The following PCDHA1 variants were observed in gnomAD, a reference collection of about 807,000 sequenced individuals.
PCDHA1 encodes the protein protocadherin alpha-1.
Under a neutral mutation model 61.3 loss-of-function variants are expected in PCDHA1, and 42 were observed. That is an observed-to-expected ratio of 0.69 (90% CI 0.54 to 0.89). The LOEUF (loss-of-function observed/expected upper bound fraction) is 0.89, where lower values mean the gene tolerates loss of function less well. Ranked by LOEUF, PCDHA1 falls within the 40% of genes least tolerant of loss-of-function variation. The pLI is 0.00. For missense variants in PCDHA1, 1,256 were observed against 1,235.3 expected (o/e 1.02, Z -0.25); for synonymous variants, 610 against 553.8 (o/e 1.10, Z -1.43).
intron 1 of PCDHA1, among the ~76,000 whole-genome samples, chr5:140,907,969 A>C (rs1355560411): frequency 1.3e-5 from 2 of 152,204 alleles, no homozygotes; most frequent in African/African-American, 4.8e-5. Flanking sequence ...CCAATTTTCC[A>C]ATCATGCTTC....
intron 3 of PCDHA1, among the ~76,000 whole-genome samples, chr5:141,006,584 GA>G (rs1353712503): frequency 6.6e-6 from 1 of 152,126 alleles, no homozygotes; most frequent in Non-Finnish European, 1.5e-5. Context: ...GAGGGTTGGA[GA>G]GAAGCAAAAG....
At chr5:140,854,340 A>G in intron 1 of PCDHA1, 1 of 189,954 alleles carries the variant, frequency 5.3e-6, no homozygotes, top group Non-Finnish European at 9.6e-6. Context: ...TTTACGCTCC[A>G]GATAGCTAAA....
At chr5:140,893,888 G>A (rs1182777052) in intron 1 of PCDHA1, among the ~76,000 whole-genome samples, 1 of 152,128 alleles carries the variant, frequency 6.6e-6, no homozygotes, top group Non-Finnish European at 1.5e-5. Context: ...TGGCCAGAAA[G>A]TTACTTTACC....
rs2150126573 is a variant in PCDHA1 at position 140,823,520 on chromosome 5, G to A, written c.2394+34836G>A. 10 of 1,613,572 alleles carry A rather than the reference G, an allele frequency of 6.2e-6. No homozygotes were observed. The East Asian group carries it at 2.2e-4, about 36-fold the overall frequency. On this transcript the variant is annotated intron_variant, in intron 1 of 3. Coordinates refer to ENST00000504120, the MANE Select transcript of PCDHA1 (RefSeq NM_018900.4). Reference sequence around the variant, plus strand: ...GGCGCAGTGAGCGAGCTGGTGCCGAGGTCAGTGGGTGCGGGCCACGTGGTG... The same window carrying A: ...GGCGCAGTGAGCGAGCTGGTGCCGAAGTCAGTGGGTGCGGGCCACGTGGTG...
intron 1 of PCDHA1, chr5:140,836,474 C>T (rs1774508920): frequency 6.2e-7 from 1 of 1,613,830 alleles, no homozygotes; most frequent in Admixed American, 1.7e-5. Flanking sequence ...TGGATGTCAA[C>T]GTGTACCTGA....
At chr5:140,816,507 T>TTGTGTTTG (rs1765923153) in intron 1 of PCDHA1, 1 of 149,440 alleles carries the variant, frequency 6.7e-6, no homozygotes, top group Non-Finnish European at 1.5e-5. Flanking sequence ...GGAGGTGTGT[T>TTGTGTTTG]TGTGTGTGTG....
intron 1 of PCDHA1, chr5:140,877,371 G>T: frequency 6.2e-7 from 1 of 1,613,994 alleles, no homozygotes; most frequent in Non-Finnish European, 8.5e-7. Flanking sequence ...AGATCAGCAC[G>T]ACACGCATCC....
intron 1 of PCDHA1, chr5:140,796,302 C>T (rs782602329): frequency 4.3e-6 from 7 of 1,614,146 alleles, no homozygotes; most frequent in Non-Finnish European, 5.9e-6. Flanking sequence ...TCGAGGTGGC[C>T]GACGTGAACG....
At chr5:140,803,257 C>T (rs782417260) in intron 1 of PCDHA1, 13 of 1,613,906 alleles carry the variant, frequency 8.1e-6, no homozygotes, top group Non-Finnish European at 1.0e-5. Context: ...GCTGGCGCCA[C>T]GGGCCCGGAA....
chr5:140,858,273 C>G, intron 1 of PCDHA1: 1 of 1,596,972 alleles, frequency 6.3e-7, no homozygotes, highest in Non-Finnish European at 8.6e-7. Context: ...TGCTCTAGCG[C>G]GGTGGGGAGC....
intron 1 of PCDHA1, chr5:140,882,140 T>C (rs1010543120): frequency 7.4e-6 from 11 of 1,490,760 alleles, no homozygotes; most frequent in Admixed American, 4.6e-5. Flanking sequence ...GCAGAAAATA[T>C]AGCAGAAAGC....
intron 3 of PCDHA1, among the ~76,000 whole-genome samples, chr5:140,994,545 A>T (rs1397619431): frequency 2.6e-5 from 4 of 152,074 alleles, no homozygotes; most frequent in African/African-American, 9.7e-5. Flanking sequence ...TCTACAAAAA[A>T]AATATAAAAA....
chr5:140,816,872 A>G (rs2126675871), intron 1 of PCDHA1: 2 of 151,996 alleles, frequency 1.3e-5, no homozygotes, highest in South Asian at 2.1e-4. Flanking sequence ...GAGCAGCAGT[A>G]TTCACTCAGC....
rs2053060094 is a variant in PCDHA1, at chr5:140,871,409, T to A, written c.2394+82725T>A. The A allele has an allele frequency of 6.2e-7, 1 of 1,614,092 alleles. No individual in the cohort carries two copies. Among genetic ancestry groups the A allele is most frequent in the Non-Finnish European group, 8.5e-7 (1 of 1,179,968 alleles). The stretch of plus-strand genomic sequence containing the variant: ...GAGGGCCCACCTAAGACGGACCTCA[T>A]GGCCTTCAGCCCCAGTCTTCCTCTA... On this transcript the variant is annotated intron_variant, in intron 1 of 3. Transcript: ENST00000504120.
Position 140,924,253 on chromosome 5 carries a change from A to T in PCDHA1, c.2395-54696A>T, listed in dbSNP as rs550218351. ...ATGGGCTGTTTTGCATCCTGGTGAGATCTAATGAGGTCTGTACTTGTGACT... is the reference window on the plus strand; with the variant it reads ...ATGGGCTGTTTTGCATCCTGGTGAGTTCTAATGAGGTCTGTACTTGTGACT... On this transcript the variant is annotated intron_variant, in intron 1 of 3. Coordinates refer to ENST00000504120, the MANE Select transcript of PCDHA1 (RefSeq NM_018900.4). Among the ~76,000 whole-genome samples, 68 of 152,330 alleles carry T rather than the reference A, an allele frequency of 4.5e-4. No homozygotes were observed. In the South Asian group the frequency reaches 0.013, roughly 29 times the overall value.
At chr5:140,894,960 A>G (rs1277191439) in intron 1 of PCDHA1, among the ~76,000 whole-genome samples, 1 of 152,170 alleles carries the variant, frequency 6.6e-6, no homozygotes, top group African/African-American at 2.4e-5. Context: ...ATAAAAATAT[A>G]ATTTTTTAAT....
At chr5:140,918,967 C>T (rs1461992761) in intron 1 of PCDHA1, among the ~76,000 whole-genome samples, 1 of 152,164 alleles carries the variant, frequency 6.6e-6, no homozygotes, top group Non-Finnish European at 1.5e-5. Context: ...AGACAGATAT[C>T]GTTTAGGTTA....
intron 1 of PCDHA1, chr5:140,821,870 A>C (rs2150111389): frequency 6.2e-7 from 1 of 1,613,994 alleles, no homozygotes; most frequent in South Asian, 1.1e-5. Flanking sequence ...CAGCTCCACT[A>C]CTCGATCCCG....
chr5:140,858,436 G>T (rs781811192), intron 1 of PCDHA1: 1 of 1,542,522 alleles, frequency 6.5e-7, no homozygotes, highest in Admixed American at 2.0e-5. Flanking sequence ...ACTCTAGGAA[G>T]GTGGGTTATT....
Sources: allele counts gnomAD v4.1 joint callset (sites outside exome capture counted in the v4.1 genomes callset), GRCh38; gene constraint gnomAD v4.1.1; transcripts MANE v1.5; gene names NCBI Gene and HGNC (gene_info 2026-07-23, HGNC 2026-07-21).